The following SHANK2 variants were observed in gnomAD, a reference collection of about 807,000 sequenced individuals.
The protein encoded by SHANK2 is SH3 and multiple ankyrin repeat domains protein 2.
A neutral mutation model predicts 133.7 loss-of-function variants in SHANK2; 43 were observed. That is an observed-to-expected ratio of 0.32 (90% CI 0.25 to 0.41). SHANK2 has a LOEUF of 0.41. Ranked by LOEUF, SHANK2 falls within the 10% of genes least tolerant of loss-of-function variation. The pLI is 1.00. For missense variants in SHANK2, 1,994 were observed against 2,235.8 expected (o/e 0.89, Z 2.18); for synonymous variants, 1,017 against 952.8 (o/e 1.07, Z -1.24).
intron 14 of SHANK2, among the ~76,000 whole-genome samples, chr11:70,701,774 C>T (rs782417611): frequency 5.3e-5 from 8 of 152,152 alleles, no homozygotes; most frequent in Non-Finnish European, 8.8e-5. Flanking sequence ...ACAGGCCTTC[C>T]CTGTCTCCTG....
At chr11:70,746,069 G>A (rs879903) in intron 14 of SHANK2, among the ~76,000 whole-genome samples, 39 of 152,316 alleles carry the variant, frequency 2.6e-4, no homozygotes, top group African/African-American at 9.1e-4. Context: ...AATCACACAG[G>A]TGCTGACCCG....
chr11:71,212,326 A>G (rs1380495466), intron 2 of SHANK2, among the ~76,000 whole-genome samples: 3 of 152,240 alleles, frequency 2.0e-5, no homozygotes, highest in African/African-American at 7.2e-5. Context: ...ATTCCTACTG[A>G]ATCTGATATC....
intron 14 of SHANK2, among the ~76,000 whole-genome samples, chr11:70,731,014 T>C (rs1946278943): frequency 6.6e-6 from 1 of 152,156 alleles, no homozygotes; most frequent in African/African-American, 2.4e-5. Flanking sequence ...CTCCATGTTA[T>C]GGACTAACCT....
chr11:70,870,850 C>T (rs1242753575), intron 11 of SHANK2, among the ~76,000 whole-genome samples: 11 of 152,264 alleles, frequency 7.2e-5, no homozygotes, highest in East Asian at 1.9e-4. Flanking sequence ...GATCTCGGCT[C>T]ACTGCAGCCT....
chr11:70,659,990 G>T (rs782565974), intron 16 of SHANK2, 38 bp from the exon 17 acceptor site: 2 of 1,614,058 alleles, frequency 1.2e-6, no homozygotes, highest in Non-Finnish European at 1.7e-6. Context: ...AAGCCTGGGA[G>T]ATGTCTTCCA....
intron 2 of SHANK2, among the ~76,000 whole-genome samples, chr11:71,165,434 A>G (rs1465927445): frequency 6.6e-6 from 1 of 152,110 alleles, no homozygotes; most frequent in African/African-American, 2.4e-5. Flanking sequence ...CCTCCCTGGG[A>G]GCTGCCCCCA....
chr11:70,810,072 T>C (rs1948246980), intron 12 of SHANK2, among the ~76,000 whole-genome samples: 1 of 152,204 alleles, frequency 6.6e-6, no homozygotes, highest in Admixed American at 6.5e-5. Context: ...GGACATCATC[T>C]ATCCCCAAAC....
intron 6 of SHANK2, among the ~76,000 whole-genome samples, chr11:71,099,823 A>T (rs1590910505): frequency 6.6e-6 from 1 of 152,180 alleles, no homozygotes. Flanking sequence ...GAGCCAAGGT[A>T]GGAGGATCAT....
chr11:70,827,822 GC>G (rs1555057501), intron 11 of SHANK2, among the ~76,000 whole-genome samples: 1 of 151,992 alleles, frequency 6.6e-6, no homozygotes, highest in African/African-American at 2.4e-5. Flanking sequence ...AATAAAAATG[GC>G]GGTGTGAGAA....
At chr11:70,857,516 A>G (rs1374775606) in intron 11 of SHANK2, among the ~76,000 whole-genome samples, 1 of 152,062 alleles carries the variant, frequency 6.6e-6, no homozygotes, top group Non-Finnish European at 1.5e-5. Flanking sequence ...CCTTTTCCTC[A>G]AGTGGCCTCA....
rs1323179481 is a variant in SHANK2, at chr11:70,672,066, CT to C, written c.1854-10389del. Among the ~76,000 whole-genome samples the C allele has an allele frequency of 6.9e-3, 374 of 54,596 alleles. 1 individual carries two copies. Among genetic ancestry groups the C allele is most frequent in the African/African-American group, 0.014 (247 of 17,700 alleles). The allele number at this position is 54,596 out of a possible 152,430, so 35.8% of individuals were successfully genotyped here. A position where few individuals can be genotyped will look rare whatever the true frequency, so the allele number is the denominator to read the frequency against. ...CCCACCATACTTTTCTTTTCTTTTT[CT>C]TTTTTTTTTTTTTTTAGAGGGAGTC... On this transcript the variant is annotated intron_variant, in intron 15 of 25. Transcript: ENST00000601538.
intron 14 of SHANK2, among the ~76,000 whole-genome samples, chr11:70,723,864 A>G (rs1260189947): frequency 6.6e-6 from 1 of 152,126 alleles, no homozygotes; most frequent in Non-Finnish European, 1.5e-5. Flanking sequence ...AATAGTAATG[A>G]AGCAGCTCCA....
intron 14 of SHANK2, among the ~76,000 whole-genome samples, chr11:70,798,202 G>C (rs1565323427): frequency 1.3e-5 from 2 of 152,154 alleles, no homozygotes; most frequent in African/African-American, 4.8e-5. Flanking sequence ...TTTCTGGGAC[G>C]TGTACTGAGC....
At chr11:70,669,709 G>A (rs1363613544) in intron 15 of SHANK2, 1 of 152,570 alleles carries the variant, frequency 6.6e-6, no homozygotes, top group African/African-American at 2.4e-5. Flanking sequence ...AATCTCTGTT[G>A]AATTCAGTGT....
At chr11:70,897,190 A>G in intron 10 of SHANK2, among the ~76,000 whole-genome samples, 1 of 152,194 alleles carries the variant, frequency 6.6e-6, no homozygotes, top group Non-Finnish European at 1.5e-5. Context: ...TCAGGCAGGT[A>G]AAGCCAAGTA....
intron 17 of SHANK2, among the ~76,000 whole-genome samples, chr11:70,622,826 C>T (rs1004399071): frequency 3.9e-5 from 6 of 151,966 alleles, no homozygotes; most frequent in Non-Finnish European, 5.9e-5. Flanking sequence ...ACAACACACA[C>T]GCGCAAGCAC....
At chr11:70,547,872 T>C (rs536175951) in intron 17 of SHANK2, among the ~76,000 whole-genome samples, 2 of 152,348 alleles carry the variant, frequency 1.3e-5, no homozygotes, top group Admixed American at 1.3e-4. Flanking sequence ...GGCAAGCCCC[T>C]GCAAGCCCGA....
intron 17 of SHANK2, among the ~76,000 whole-genome samples, chr11:70,623,083 G>A: frequency 6.6e-6 from 1 of 152,172 alleles, no homozygotes; most frequent in East Asian, 1.9e-4. Context: ...GGCTGAGGCA[G>A]GAGAATGGCG....
intron 15 of SHANK2, among the ~76,000 whole-genome samples, chr11:70,678,546 T>TTTTTC (rs1555017740): frequency 1.4e-5 from 2 of 143,028 alleles, no homozygotes; most frequent in African/African-American, 5.3e-5. Context: ...TTTTTTTTTT[T>TTTTTC]TTTTTTTTTG....
Sources: allele counts gnomAD v4.1 joint callset (sites outside exome capture counted in the v4.1 genomes callset), GRCh38; gene constraint gnomAD v4.1.1; transcripts MANE v1.5; gene names NCBI Gene and HGNC (gene_info 2026-07-23, HGNC 2026-07-21).